The following ZNF536 variants were observed in gnomAD, a reference collection of about 807,000 sequenced individuals.
The protein encoded by ZNF536 is zinc finger protein 536.
ZNF536 carries 13 observed loss-of-function variants against 84.5 expected under a neutral mutation model. The ratio of observed to expected loss-of-function variants is 0.15; its 90% confidence interval spans 0.10 to 0.24. ZNF536 has a LOEUF of 0.24. Ranked by LOEUF, ZNF536 falls within the 10% of genes least tolerant of loss-of-function variation. The pLI, the probability that ZNF536 is intolerant of heterozygous loss-of-function variation, is 1.00. For synonymous variants in ZNF536, 811 were observed against 742.5 expected (o/e 1.09, Z -1.50); for missense variants, 1,536 against 1,747.5 (o/e 0.88, Z 2.16).
intron 1 of ZNF536, among the ~76,000 whole-genome samples, chr19:30,419,550 G>A (rs1160971787): frequency 6.6e-6 from 1 of 152,102 alleles, no homozygotes; most frequent in Non-Finnish European, 1.5e-5. Flanking sequence ...GTATATTCAC[G>A]TGTGTGTATG....
chr19:30,651,134 G>C (rs2049685566), intron 1 of ZNF536, among the ~76,000 whole-genome samples: 1 of 152,204 alleles, frequency 6.6e-6, no homozygotes, highest in Non-Finnish European at 1.5e-5. Context: ...GTTGGGAGTT[G>C]GCAGGTAGGG....
intron 2 of ZNF536, among the ~76,000 whole-genome samples, chr19:30,480,717 A>AAAAT (rs558607748): frequency 2.0e-3 from 310 of 152,270 alleles, no homozygotes; most frequent in Non-Finnish European, 2.4e-3. Flanking sequence ...AAGTAAAATA[A>AAAAT]AAATAAATAA....
chr19:30,340,042 G>A (rs879355808), intron 2 of ZNF536, among the ~76,000 whole-genome samples: 31 of 152,148 alleles, frequency 2.0e-4, no homozygotes, highest in African/African-American at 6.0e-4. Context: ...GCCCGGGCAG[G>A]CCGCCATCCC....
In ZNF536 at chr19:30,705,317, G is replaced by C. The variant is rs1004295783; in HGVS notation, c.170-5440G>C. 3.9e-5 allele frequency among the ~76,000 whole-genome samples: 6 copies of C among 151,998 alleles called. No individual in the cohort carries two copies. The South Asian group carries it at 6.3e-4, about 16-fold the overall frequency. On this transcript the variant is annotated intron_variant, in intron 1 of 1. Coordinates refer to the ZNF536 transcript ENST00000592773. ...GCAAACAACTCAGAAAGATGTGTGT[G>C]TGTGTGTGTGTGTGTGTGTCTATAA... is the stretch of plus-strand genomic sequence containing the variant.
intron 1 of ZNF536, among the ~76,000 whole-genome samples, chr19:30,682,337 CATG>C (rs2051008313): frequency 6.6e-6 from 1 of 152,152 alleles, no homozygotes; most frequent in Admixed American, 6.5e-5. Flanking sequence ...CTATAAGAGA[CATG>C]ATGAGATGTA....
rs529399002 is a variant in ZNF536 at position 30,265,490 on chromosome 19, T to C, written c.-189-18582T>C. Among the ~76,000 whole-genome samples, 4 of 152,308 alleles carry C rather than the reference T, an allele frequency of 2.6e-5. No individual in the cohort carries two copies. The South Asian group carries it at 8.3e-4, about 32-fold the overall frequency. On this transcript the variant is annotated intron_variant, in intron 1 of 5. Transcript: ENST00000585628. ...CATGCCTCTTGTGTGTCCTACTGTG[T>C]GATGTGCTCCTTAAGCGCTGAGTGT...
chr19:30,374,213 G>A (rs1428792758), intron 1 of ZNF536, among the ~76,000 whole-genome samples: 1 of 152,012 alleles, frequency 6.6e-6, no homozygotes, highest in Non-Finnish European at 1.5e-5. Context: ...AAGAAAAGTA[G>A]TTCTCTATAG....
At chr19:30,560,990 A>G (rs899240993), downstream of ZNF536, among the ~76,000 whole-genome samples, 3 of 152,236 alleles carry the variant, frequency 2.0e-5, no homozygotes, top group African/African-American at 7.2e-5. Context: ...TTGTGCATCC[A>G]GACATTGGCT....
At chr19:30,354,188 A>G (rs1395309721) in intron 3 of ZNF536, among the ~76,000 whole-genome samples, 1 of 152,114 alleles carries the variant, frequency 6.6e-6, no homozygotes, top group African/African-American at 2.4e-5. Flanking sequence ...TAGAATAAAC[A>G]GTAGCTCCAG....
chr19:30,406,636 C>A (rs1002709769), intron 1 of ZNF536, among the ~76,000 whole-genome samples: 2 of 152,166 alleles, frequency 1.3e-5, no homozygotes, highest in Non-Finnish European at 2.9e-5. Context: ...GGAAACTGTA[C>A]GGCCAGTTTT....
chr19:30,298,362 C>G (rs1600124856), intron 2 of ZNF536, among the ~76,000 whole-genome samples: 1 of 152,342 alleles, frequency 6.6e-6, no homozygotes, highest in East Asian at 1.9e-4. Flanking sequence ...GGCTCACACC[C>G]CATCACCAGC....
intron 2 of ZNF536, among the ~76,000 whole-genome samples, chr19:30,496,554 G>A (rs969643936): frequency 1.9e-4 from 29 of 152,302 alleles, no homozygotes; most frequent in African/African-American, 5.3e-4. Flanking sequence ...AAGTAGGTCT[G>A]CAGTGAAAGT....
At chr19:30,617,153 T>A (rs2048324522) in intron 1 of ZNF536, among the ~76,000 whole-genome samples, 1 of 150,642 alleles carries the variant, frequency 6.6e-6, no homozygotes, top group Non-Finnish European at 1.5e-5. Flanking sequence ...TTTCCATGGG[T>A]TTTTGGGGAA....
At chr19:30,639,410 T>C (rs775724386) in intron 1 of ZNF536, among the ~76,000 whole-genome samples, 20 of 152,204 alleles carry the variant, frequency 1.3e-4, no homozygotes, top group Non-Finnish European at 2.2e-4. Context: ...TTGTACTAAG[T>C]CTTGGAAATC....
chr19:30,706,564 T>G (rs913366402), intron 1 of ZNF536, among the ~76,000 whole-genome samples: 9 of 152,020 alleles, frequency 5.9e-5, no homozygotes, highest in African/African-American at 2.2e-4. Context: ...GAAGAACTAG[T>G]GTCATCCTGG....
chr19:30,472,541 T>C (rs1185381659), intron 2 of ZNF536, among the ~76,000 whole-genome samples: 2 of 152,178 alleles, frequency 1.3e-5, no homozygotes, highest in East Asian at 3.9e-4. Flanking sequence ...TTACACGTGA[T>C]GGAGGAGTCC....
intron 2 of ZNF536, among the ~76,000 whole-genome samples, chr19:30,290,293 T>C (rs959506595): frequency 2.6e-5 from 4 of 152,206 alleles, no homozygotes; most frequent in Non-Finnish European, 4.4e-5. Flanking sequence ...TTCTTTTATT[T>C]TGGGACAGGA....
chr19:30,507,367 A>G (rs538186689), intron 2 of ZNF536, among the ~76,000 whole-genome samples: 1 of 152,180 alleles, frequency 6.6e-6, no homozygotes, highest in Non-Finnish European at 1.5e-5. Flanking sequence ...AAACCAAAAA[A>G]CAAAAAACAA....
chr19:30,311,445 C>T (rs2046501044), intron 2 of ZNF536, among the ~76,000 whole-genome samples: 1 of 152,292 alleles, frequency 6.6e-6, no homozygotes, highest in East Asian at 1.9e-4. Flanking sequence ...TATTTTTTCT[C>T]AACTTTGTGG....
Sources: gnomAD v4.1 joint callset for allele counts (sites outside exome capture counted in the v4.1 genomes callset) on GRCh38, gnomAD v4.1.1 for gene constraint, MANE v1.5 for transcripts, NCBI Gene and HGNC (gene_info 2026-07-23, HGNC 2026-07-21) for gene names.